The following ZFPM2 variants were observed in gnomAD, a reference collection of about 807,000 sequenced individuals.
ZFPM2 encodes the protein zinc finger protein ZFPM2.
ZFPM2 carries 20 observed loss-of-function variants against 98.6 expected under a neutral mutation model. The ratio of observed to expected loss-of-function variants is 0.20; its 90% CI spans 0.14 to 0.29. The LOEUF is 0.29. Among genes scored for constraint, ZFPM2 ranks in the 10% least tolerant of loss-of-function variants. The pLI is 1.00. For missense variants in ZFPM2, 1,310 were observed against 1,388.6 expected (o/e 0.94, Z 0.90); for synonymous variants, 518 against 502.7 (o/e 1.03, Z -0.41).
chr8:105,618,966 A>G (rs1472553793), intron 4 of ZFPM2, among the ~76,000 whole-genome samples: 1 of 152,194 alleles, frequency 6.6e-6, no homozygotes, highest in Non-Finnish European at 1.5e-5. Flanking sequence ...TACTTCATTT[A>G]GCAGTCAGAA....
At chr8:105,357,596 CT>C (rs1442375706) in intron 1 of ZFPM2, among the ~76,000 whole-genome samples, 11 of 151,508 alleles carry the variant, frequency 7.3e-5, no homozygotes, top group Middle Eastern at 3.4e-3. Context: ...TTATAACAAA[CT>C]TTTTTTTTCA....
At chr8:105,345,764 G>A (rs2342788) in intron 1 of ZFPM2, among the ~76,000 whole-genome samples, 67,918 of 151,880 alleles carry the variant, frequency 0.45, 17,111 homozygotes, top group Middle Eastern at 0.6. Flanking sequence ...TAATAAGATT[G>A]TTATAATCCC....
chr8:105,744,599 T>C (rs574461062), intron 5 of ZFPM2, among the ~76,000 whole-genome samples: 1 of 152,128 alleles, frequency 6.6e-6, no homozygotes, highest in South Asian at 2.1e-4. Flanking sequence ...GGGAAACACA[T>C]CCAAACTAGG....
At chr8:105,566,339 T>C (rs1035429579) in intron 4 of ZFPM2, among the ~76,000 whole-genome samples, 21 of 152,128 alleles carry the variant, frequency 1.4e-4, no homozygotes, top group Admixed American at 1.0e-3. Flanking sequence ...AAATAACTTA[T>C]ATTAAATACT....
At chr8:105,519,480 G>A (rs1184586673) in intron 3 of ZFPM2, among the ~76,000 whole-genome samples, 1 of 152,026 alleles carries the variant, frequency 6.6e-6, no homozygotes, top group Non-Finnish European at 1.5e-5. Flanking sequence ...TAATCCTACA[G>A]TGTCCTCCCA....
intron 3 of ZFPM2, among the ~76,000 whole-genome samples, chr8:105,471,117 A>C (rs1332107869): frequency 1.3e-5 from 2 of 152,064 alleles, no homozygotes; most frequent in African/African-American, 2.4e-5. Flanking sequence ...CGTTTGGTTC[A>C]TGATTCTTAC....
At chr8:105,675,681 G>T (rs1342057994) in intron 5 of ZFPM2, among the ~76,000 whole-genome samples, 2 of 152,070 alleles carry the variant, frequency 1.3e-5, no homozygotes, top group African/African-American at 4.8e-5. Context: ...TAAATAAAAA[G>T]CCCAATTTCA....
intron 4 of ZFPM2, among the ~76,000 whole-genome samples, chr8:105,595,130 A>G (rs1815941516): frequency 6.6e-6 from 1 of 152,168 alleles, no homozygotes; most frequent in Non-Finnish European, 1.5e-5. Context: ...GAGTAAAGAA[A>G]GTCTAATAGT....
chr8:105,725,305 A>G (rs962637493), intron 5 of ZFPM2, among the ~76,000 whole-genome samples: 4 of 151,700 alleles, frequency 2.6e-5, no homozygotes, highest in Non-Finnish European at 4.4e-5. Context: ...TTTATTAGAG[A>G]TATAAGTTAT....
chr8:105,573,014 A>G (rs1301682142), intron 4 of ZFPM2, among the ~76,000 whole-genome samples: 3 of 152,114 alleles, frequency 2.0e-5, no homozygotes, highest in African/African-American at 2.4e-5. Context: ...AATGAGCACA[A>G]CTTGTCGCAG....
chr8:105,510,509 G>A (rs1813796765), intron 3 of ZFPM2, among the ~76,000 whole-genome samples: 1 of 151,498 alleles, frequency 6.6e-6, no homozygotes, highest in African/African-American at 2.4e-5. Context: ...ATTCAGTCAT[G>A]AAATAAAGTG....
At chr8:105,743,540 A>G (rs1381226978) in intron 5 of ZFPM2, among the ~76,000 whole-genome samples, 1 of 152,014 alleles carries the variant, frequency 6.6e-6, no homozygotes, top group African/African-American at 2.4e-5. Flanking sequence ...TATGGATAAT[A>G]TGGAAGCTGG....
At chr8:105,568,835 T>C (rs1815295995) in intron 4 of ZFPM2, among the ~76,000 whole-genome samples, 1 of 152,076 alleles carries the variant, frequency 6.6e-6, no homozygotes, top group Non-Finnish European at 1.5e-5. Flanking sequence ...CCCCAGGTGA[T>C]GCTCACCTCC....
At chr8:105,571,229 C>A (rs1815348518) in intron 4 of ZFPM2, among the ~76,000 whole-genome samples, 1 of 152,104 alleles carries the variant, frequency 6.6e-6, no homozygotes, top group Admixed American at 6.5e-5. Context: ...TTTCTTAATG[C>A]AGATTTCATT....
At chr8:105,640,142 G>C (rs576921993) in intron 5 of ZFPM2, among the ~76,000 whole-genome samples, 2 of 152,038 alleles carry the variant, frequency 1.3e-5, no homozygotes, top group South Asian at 2.1e-4. Flanking sequence ...GGTTTCGATG[G>C]GTTAAGTAAG....
At chr8:105,617,735 GAGTGAATTTTAACCGAA>G (rs1406512489) in intron 4 of ZFPM2, among the ~76,000 whole-genome samples, 1 of 152,122 alleles carries the variant, frequency 6.6e-6, no homozygotes, top group Non-Finnish European at 1.5e-5. Flanking sequence ...GTGCTGAATT[GAGTGAATTTTAACCGAA>G]AGTCATCTTG....
At chr8:105,665,545 G>T (rs1817473420) in intron 5 of ZFPM2, among the ~76,000 whole-genome samples, 1 of 152,212 alleles carries the variant, frequency 6.6e-6, no homozygotes, top group South Asian at 2.1e-4. Context: ...TTCAGGAATG[G>T]TTTGAAGATT....
rs770356979 is a variant in ZFPM2, at chr8:105,444,395, T to G, written c.301+14T>G. The G allele has an allele frequency of 3.8e-6, 6 of 1,591,806 alleles. No individual in the cohort carries two copies. In the East Asian group the frequency reaches 1.3e-4, roughly 36 times the overall value. On this transcript the variant is annotated intron_variant, in intron 3 of 7. Coordinates refer to ENST00000407775, the MANE Select transcript of ZFPM2 (RefSeq NM_012082.4). ...GGGATGGACCAGGTAGGGGAGAATA[T>G]TTAAAATTCAACCGTCTTTAGTACT... is the stretch of plus-strand genomic sequence containing the variant.
intron 1 of ZFPM2, among the ~76,000 whole-genome samples, chr8:105,398,259 A>G (rs1459249595): frequency 6.6e-6 from 1 of 152,170 alleles, no homozygotes; most frequent in East Asian, 1.9e-4. Flanking sequence ...TTCATTTAAT[A>G]TATATTGAAC....
Sources: gnomAD v4.1 joint callset for allele counts (sites outside exome capture counted in the v4.1 genomes callset) on GRCh38, gnomAD v4.1.1 for gene constraint, MANE v1.5 for transcripts, NCBI Gene and HGNC (gene_info 2026-07-23, HGNC 2026-07-21) for gene names.